Variants in FHOD3 observed in about 807,000 individuals in gnomAD.
FHOD3 encodes FH1/FH2 domain-containing protein 3.
Under a neutral mutation model 173.0 loss-of-function variants are expected in FHOD3, and 90 were observed. That is an observed-to-expected ratio of 0.52 (90% CI 0.44 to 0.62). The LOEUF (loss-of-function observed/expected upper bound fraction) is 0.62, where lower values mean the gene tolerates loss of function less well. FHOD3 is among the 20% of genes least tolerant of loss of function. The pLI is 0.00. For synonymous variants in FHOD3, 828 were observed against 823.0 expected (o/e 1.01, Z -0.10); for missense variants, 1,945 against 2,034.7 (o/e 0.96, Z 0.85).
chr18:36,627,378 C>T (rs942100268), intron 10 of FHOD3, among the ~76,000 whole-genome samples: 4 of 152,034 alleles, frequency 2.6e-5, no homozygotes, highest in African/African-American at 7.3e-5. Context: ...TTACACTTTT[C>T]GAGGATTCCT....
At chr18:36,436,803 A>C (rs1277662427) in intron 3 of FHOD3, among the ~76,000 whole-genome samples, 1 of 152,228 alleles carries the variant, frequency 6.6e-6, no homozygotes, top group African/African-American at 2.4e-5. Flanking sequence ...GTGTTTTGAT[A>C]ATATAGCATT....
At chr18:36,765,669 AACT>A (rs2150337242) in intron 27 of FHOD3, among the ~76,000 whole-genome samples, 1 of 152,364 alleles carries the variant, frequency 6.6e-6, no homozygotes, top group South Asian at 2.1e-4. Context: ...GATATTCCAG[AACT>A]ACAAAACAAA....
chr18:36,403,930 C>A (rs550490614), intron 3 of FHOD3, among the ~76,000 whole-genome samples: 6 of 152,334 alleles, frequency 3.9e-5, no homozygotes, highest in African/African-American at 1.4e-4. Context: ...AGCCCCAGTG[C>A]CCTTGGGGTA....
At chr18:36,439,095 GA>G (rs565510928) in intron 3 of FHOD3, among the ~76,000 whole-genome samples, 4 of 151,448 alleles carry the variant, frequency 2.6e-5, no homozygotes, top group African/African-American at 4.9e-5. Context: ...TGCTAAATGG[GA>G]AAAAAAACAG....
chr18:36,517,369 G>A (rs1047410984), intron 5 of FHOD3, among the ~76,000 whole-genome samples: 2 of 152,160 alleles, frequency 1.3e-5, no homozygotes, highest in African/African-American at 2.4e-5. Context: ...GGGTTGTGAC[G>A]ATGGAACCAA....
chr18:36,454,705 C>G (rs920118660), intron 3 of FHOD3, among the ~76,000 whole-genome samples: 1 of 151,778 alleles, frequency 6.6e-6, no homozygotes, highest in African/African-American at 2.4e-5. Flanking sequence ...CCCACCCCTG[C>G]AACCTCTCTG....
At position 36,502,162 on chromosome 18, in the gene FHOD3, T is replaced by C. The variant is rs188256541; in HGVS notation, c.405+163T>C. 1.3e-3 allele frequency among the ~76,000 whole-genome samples: 200 copies of C among 152,306 alleles called. 1 individual carries two copies. Among genetic ancestry groups the C allele is most frequent in the Non-Finnish European group, 6.3e-4 (43 of 68,030 alleles). ...ATTAGGTCATAATATCAGTTGAGAA[T>C]TTTTATCATGTCAAATATTTCAAAC... On this transcript the variant is annotated intron_variant, in intron 4 of 28. Transcript: ENST00000590592.
chr18:36,431,681 C>T lies in FHOD3; in HGVS notation c.337+58937C>T, dbSNP rs189830124. 3.4e-3 allele frequency among the ~76,000 whole-genome samples: 516 copies of T among 152,210 alleles called. 1 individual carries two copies. Among genetic ancestry groups the T allele is most frequent in the African/African-American group, 0.012 (487 of 41,518 alleles). ...GTACATTTTGTTGTAATTTTAAAGCCACTAACATATGGTTTAGAGATGGGT... is the reference window on the plus strand; with the variant it reads ...GTACATTTTGTTGTAATTTTAAAGCTACTAACATATGGTTTAGAGATGGGT... On this transcript the variant is annotated intron_variant, in intron 3 of 28. Transcript: ENST00000590592.
chr18:36,478,401 C>T (rs1187189889), intron 3 of FHOD3, among the ~76,000 whole-genome samples: 1 of 152,166 alleles, frequency 6.6e-6, no homozygotes, highest in Non-Finnish European at 1.5e-5. Context: ...ACCATCTATT[C>T]TTTGTGTTAC....
intron 3 of FHOD3, among the ~76,000 whole-genome samples, chr18:36,473,866 A>G (rs957990774): frequency 6.6e-6 from 1 of 152,234 alleles, no homozygotes; most frequent in African/African-American, 2.4e-5. Context: ...ATGCCTTGGC[A>G]AAGGAGGCTT....
chr18:36,610,568 T>A (rs2032569056), intron 8 of FHOD3, among the ~76,000 whole-genome samples: 1 of 152,220 alleles, frequency 6.6e-6, no homozygotes, highest in South Asian at 2.1e-4. Flanking sequence ...GGCTATCACA[T>A]TACAATTAGT....
chr18:36,365,495 G>A (rs935493170), intron 2 of FHOD3, among the ~76,000 whole-genome samples: 7 of 152,166 alleles, frequency 4.6e-5, no homozygotes, highest in Admixed American at 2.6e-4. Flanking sequence ...GAGTAGATTG[G>A]TGGTTGCCTC....
chr18:36,626,911 G>A (rs765178994), intron 10 of FHOD3, among the ~76,000 whole-genome samples: 1 of 152,176 alleles, frequency 6.6e-6, no homozygotes, highest in Non-Finnish European at 1.5e-5. Context: ...CATGCCTTCA[G>A]ATACCTGTTA....
At chr18:36,668,300 T>C (rs2037311185) in intron 14 of FHOD3, among the ~76,000 whole-genome samples, 1 of 152,154 alleles carries the variant, frequency 6.6e-6, no homozygotes, top group Non-Finnish European at 1.5e-5. Flanking sequence ...GTCAAAGTTA[T>C]TGGAATGTAA....
chr18:36,514,134 G>A (rs1261822686), intron 5 of FHOD3, among the ~76,000 whole-genome samples: 1 of 149,848 alleles, frequency 6.7e-6, no homozygotes, highest in Non-Finnish European at 1.5e-5. Flanking sequence ...TCAGCCTCCC[G>A]AGTAGCTGGG....
intron 2 of FHOD3, among the ~76,000 whole-genome samples, chr18:36,366,161 T>C (rs2046888372): frequency 6.6e-6 from 1 of 152,168 alleles, no homozygotes. Context: ...ATGGGAACTT[T>C]AATGAAGAAC....
Position 36,297,718 on chromosome 18 carries a change from T to TGCGAGCCC in FHOD3, c.-113_-112insCCCGCGAG, listed in dbSNP as rs2091829031. ...GGCTGCAGCCCGGCGCGCCTGAGCCTGCGAGTCCGCGAGCCAGCGAGCTGC... is the reference window on the plus strand; with the variant it reads ...GGCTGCAGCCCGGCGCGCCTGAGCCTGCGAGCCCGCGAGTCCGCGAGCCAGCGAGCTGC... On this transcript the variant is annotated 5_prime_UTR_variant, in exon 1 of 29. Transcript: ENST00000590592. 3 of 633,026 alleles carry TGCGAGCCC rather than the reference T, an allele frequency of 4.7e-6. No individual in the cohort carries two copies. Among genetic ancestry groups the TGCGAGCCC allele is most frequent in the East Asian group, 7.9e-5 (1 of 12,716 alleles). 39.2% of individuals were successfully genotyped at this position (633,026 alleles called of 1,614,324 possible). A position where few individuals can be genotyped will look rare whatever the true frequency, so the allele number is the denominator to read the frequency against.
intron 3 of FHOD3, among the ~76,000 whole-genome samples, chr18:36,472,707 T>G (rs977475610): frequency 1.3e-5 from 2 of 152,196 alleles, no homozygotes; most frequent in South Asian, 4.1e-4. Context: ...AACATAGTGT[T>G]TTTTCAGCTT....
At chr18:36,689,889 T>G (rs1012002257) in intron 16 of FHOD3, among the ~76,000 whole-genome samples, 2 of 152,168 alleles carry the variant, frequency 1.3e-5, no homozygotes, top group Non-Finnish European at 2.9e-5. Flanking sequence ...TGAGCCTTGC[T>G]TAGAAGGACT....
Sources: gnomAD v4.1 joint callset for allele counts (sites outside exome capture counted in the v4.1 genomes callset) on GRCh38, gnomAD v4.1.1 for gene constraint, MANE v1.5 for transcripts, NCBI Gene and HGNC (gene_info 2026-07-23, HGNC 2026-07-21) for gene names.